Variants in DPT observed in about 807,000 individuals in gnomAD.
DPT encodes the protein tyrosine-rich acidic matrix protein.
Under a neutral mutation model 31.2 loss-of-function variants are expected in DPT, and 21 were observed. The observed-to-expected ratio is 0.67, with a 90% CI of 0.48 to 0.97. The LOEUF is 0.97. DPT is among the 50% of genes least tolerant of loss of function. The pLI is 0.00. For missense variants in DPT, 262 were observed against 258.8 expected (o/e 1.01, Z -0.08); for synonymous variants, 91 against 86.9 (o/e 1.05, Z -0.26).
chr1:168,713,291 C>T (rs1275855390), intron 2 of DPT, among the ~76,000 whole-genome samples: 1 of 152,168 alleles, frequency 6.6e-6, no homozygotes, highest in African/African-American at 2.4e-5. Flanking sequence ...AATTTACTAT[C>T]GGTCCTTACT....
intron 2 of DPT, among the ~76,000 whole-genome samples, chr1:168,712,621 T>C (rs188892707): frequency 4.5e-4 from 68 of 152,262 alleles, no homozygotes; most frequent in Non-Finnish European, 8.4e-4. Context: ...CTACCTACTC[T>C]CCCCTTTCAT....
At chr1:168,709,798 G>A (rs557160636) in intron 2 of DPT, among the ~76,000 whole-genome samples, 56 of 152,328 alleles carry the variant, frequency 3.7e-4, no homozygotes, top group African/African-American at 1.3e-3. Context: ...GTAAGGGAAG[G>A]TTTCAGATAA....
At chr1:168,718,584 C>A (rs7542028) in intron 1 of DPT, among the ~76,000 whole-genome samples, 6 of 152,046 alleles carry the variant, frequency 3.9e-5, no homozygotes, top group Non-Finnish European at 8.8e-5. Flanking sequence ...GTGGGGGTAC[C>A]TTTTCACACT....
At chr1:168,713,330 G>A (rs181686335) in intron 2 of DPT, among the ~76,000 whole-genome samples, 18 of 152,296 alleles carry the variant, frequency 1.2e-4, no homozygotes, top group Non-Finnish European at 5.9e-5. Flanking sequence ...AGCTTTTGGG[G>A]CTTTGTATCC....
intron 2 of DPT, among the ~76,000 whole-genome samples, chr1:168,707,824 G>C (rs1157760497): frequency 1.3e-5 from 2 of 152,138 alleles, no homozygotes; most frequent in African/African-American, 4.8e-5. Context: ...CTTCTGCCAT[G>C]GTTGTAAGTT....
chr1:168,712,915 T>C (rs1220777278), intron 2 of DPT, among the ~76,000 whole-genome samples: 2 of 152,078 alleles, frequency 1.3e-5, no homozygotes, highest in Admixed American at 6.6e-5. Context: ...ATAGTTTTCA[T>C]CAGAGTCTTA....
chr1:168,724,936 T>C (rs1433438409), intron 1 of DPT, among the ~76,000 whole-genome samples: 3 of 152,154 alleles, frequency 2.0e-5, no homozygotes, highest in African/African-American at 4.8e-5. Context: ...TTGAGATTCT[T>C]TGAAGCCCGG....
chr1:168,718,567 G>T (rs1309122443), intron 1 of DPT, among the ~76,000 whole-genome samples: 1 of 152,194 alleles, frequency 6.6e-6, no homozygotes, highest in Non-Finnish European at 1.5e-5. Context: ...TCCAGAGCCG[G>T]ATCTTTGTGG....
chr1:168,714,109 C>G, intron 2 of DPT, 112 bp downstream of exon 2: 1 of 1,419,832 alleles, frequency 7.0e-7, no homozygotes, highest in Non-Finnish European at 9.6e-7. Context: ...TATATGCCAG[C>G]GCTGCCTTCC....
chr1:168,708,645 G>A (rs999159474), intron 2 of DPT, among the ~76,000 whole-genome samples: 2 of 152,104 alleles, frequency 1.3e-5, no homozygotes, highest in Non-Finnish European at 2.9e-5. Flanking sequence ...GTATACATGC[G>A]CCAGGTTGGT....
At chr1:168,711,322 G>A (rs1359719380) in intron 2 of DPT, among the ~76,000 whole-genome samples, 1 of 152,018 alleles carries the variant, frequency 6.6e-6, no homozygotes, top group Non-Finnish European at 1.5e-5. Flanking sequence ...GCCCGGCCTT[G>A]ACAAATTTTC....
intron 2 of DPT, among the ~76,000 whole-genome samples, chr1:168,704,065 A>G (rs1649662603): frequency 6.6e-6 from 1 of 152,270 alleles, no homozygotes; most frequent in African/African-American, 2.4e-5. Context: ...AAATTAAAAG[A>G]GGCTACAAGG....
Position 168,705,383 on chromosome 1 carries a change from T to C in DPT, c.432-4259A>G, listed in dbSNP as rs141341323. On this transcript the variant is annotated intron_variant, in intron 2 of 3. Coordinates refer to ENST00000367817, the MANE Select transcript of DPT (RefSeq NM_001937.5). The stretch of plus-strand genomic sequence containing the variant: ...GATGTGCACATGAACAGATACAGCT[T>C]CATCTCATGGTCAGGAAACATCATA... Among the ~76,000 whole-genome samples, 23 of 152,216 alleles carry C rather than the reference T, an allele frequency of 1.5e-4. No individual in the cohort carries two copies. In the East Asian group the frequency reaches 4.3e-3, roughly 28 times the overall value.
chr1:168,721,126 T>C (rs542259204), intron 1 of DPT, among the ~76,000 whole-genome samples: 1 of 152,172 alleles, frequency 6.6e-6, no homozygotes, highest in African/African-American at 2.4e-5. Flanking sequence ...AGCAGAGAAA[T>C]AGGAGAGTGG....
chr1:168,717,400 T>C (rs1166066550), intron 1 of DPT, among the ~76,000 whole-genome samples: 1 of 152,206 alleles, frequency 6.6e-6, no homozygotes, highest in African/African-American at 2.4e-5. Context: ...TTTGATGGGA[T>C]TGTTTCTTCT....
intron 3 of DPT, among the ~76,000 whole-genome samples, chr1:168,698,214 CTG>C (rs2101897624): frequency 6.6e-6 from 1 of 152,288 alleles, no homozygotes; most frequent in South Asian, 2.1e-4. Context: ...AATTCTGAGT[CTG>C]TTGCTCCGGG....
intron 2 of DPT, among the ~76,000 whole-genome samples, chr1:168,704,562 CAAA>C (rs1286764253): frequency 6.6e-6 from 1 of 151,972 alleles, no homozygotes; most frequent in African/African-American, 2.4e-5. Flanking sequence ...ACAACAACAA[CAAA>C]AAAAGCAAAA....
intron 2 of DPT, among the ~76,000 whole-genome samples, chr1:168,707,040 T>C (rs1007861993): frequency 6.6e-6 from 1 of 152,222 alleles, no homozygotes; most frequent in Admixed American, 6.5e-5. Context: ...TGTAGAAGTC[T>C]TATTCCTCAT....
intron 1 of DPT, among the ~76,000 whole-genome samples, chr1:168,724,112 G>A (rs1041054218): frequency 1.3e-5 from 2 of 152,104 alleles, no homozygotes; most frequent in African/African-American, 4.8e-5. Context: ...GAAATTGATC[G>A]AGACCTTAAG....
Sources: allele counts gnomAD v4.1 joint callset (sites outside exome capture counted in the v4.1 genomes callset), GRCh38; gene constraint gnomAD v4.1.1; transcripts MANE v1.5; gene names NCBI Gene and HGNC (gene_info 2026-07-23, HGNC 2026-07-21).